The following FOCAD variants were observed in gnomAD, a reference collection of about 807,000 sequenced individuals.
FOCAD encodes the protein KIAA1797.
FOCAD carries 198 observed loss-of-function variants against 225.6 expected under a neutral mutation model. That is an observed-to-expected ratio of 0.88 (90% confidence interval 0.78 to 0.99). The LOEUF (loss-of-function observed/expected upper bound fraction) is 0.99, where lower values mean the gene tolerates loss of function less well. FOCAD is among the 50% of genes least tolerant of loss of function. FOCAD has a pLI of 0.00. For missense variants in FOCAD, 2,713 were observed against 2,123.6 expected (o/e 1.28, Z -5.46); for synonymous variants, 897 against 755.0 (o/e 1.19, Z -3.08).
At chr9:20,757,647 A>T (rs1206807348) in intron 5 of FOCAD, among the ~76,000 whole-genome samples, 1 of 152,154 alleles carries the variant, frequency 6.6e-6, no homozygotes, top group Non-Finnish European at 1.5e-5. Flanking sequence ...AGAGGGAGAG[A>T]CAGAGCTTAT....
intron 16 of FOCAD, among the ~76,000 whole-genome samples, chr9:20,865,450 C>T (rs1394142691): frequency 6.6e-6 from 1 of 152,042 alleles, no homozygotes; most frequent in African/African-American, 2.4e-5. Flanking sequence ...ACACATTTGT[C>T]ATCTTTGAGG....
At chr9:20,656,873 T>C (rs376970063), upstream of FOCAD, among the ~76,000 whole-genome samples, 1,621 of 151,928 alleles carry the variant, frequency 0.011, 17 homozygotes, top group Non-Finnish European at 0.014. Context: ...TTCCTAGTCT[T>C]GATGGTCTTT....
intron 15 of FOCAD, among the ~76,000 whole-genome samples, chr9:20,837,575 G>A (rs1826118719): frequency 6.6e-6 from 1 of 151,930 alleles, no homozygotes; most frequent in Non-Finnish European, 1.5e-5. Context: ...TGGTAAATGG[G>A]GACAGGGAGT....
At chr9:20,754,150 G>A (rs371145035) in intron 5 of FOCAD, among the ~76,000 whole-genome samples, 3 of 152,158 alleles carry the variant, frequency 2.0e-5, no homozygotes, top group African/African-American at 7.2e-5. Flanking sequence ...TGAAAAAATG[G>A]AAAGGCTAAC....
chr9:20,703,081 C>T (rs1342794027), intron 1 of FOCAD, among the ~76,000 whole-genome samples: 1 of 145,208 alleles, frequency 6.9e-6, no homozygotes, highest in Non-Finnish European at 1.5e-5. Flanking sequence ...AGTAGGGAAG[C>T]AGAAATAAGT....
At chr9:20,696,323 G>C (rs893400425) in intron 1 of FOCAD, among the ~76,000 whole-genome samples, 19 of 152,152 alleles carry the variant, frequency 1.2e-4, no homozygotes, top group African/African-American at 4.6e-4. Context: ...GATTTCAAGT[G>C]TTCTCACCAT....
At position 20,781,786 on chromosome 9, in the gene FOCAD, G is replaced by A. The variant is rs1343601095; in HGVS notation, c.1054G>A (p.Val352Met). ...AATCCCAAAGTCCTCTCTGCTGCTAGTGATGCCAATTCTGCAGATACTATC... is the reference window on the plus strand; with the variant it reads ...AATCCCAAAGTCCTCTCTGCTGCTAATGATGCCAATTCTGCAGATACTATC... ...QKIPKSSLLL[V>M]MPILQILSST... The change falls in exon 10 of 44, where the codon GTG (valine) becomes ATG (methionine). Residue 352 changes from valine (V) to methionine (M), a missense_variant. By Grantham distance (21) the Val-to-Met change is conservative (BLOSUM62 1). Transcript: ENST00000338382. 1 of 1,614,104 alleles carries A rather than the reference G, an allele frequency of 6.2e-7. No individual in the cohort carries two copies. Among genetic ancestry groups the A allele is most frequent in the Non-Finnish European group, 8.5e-7 (1 of 1,180,000 alleles).
chr9:20,719,521 C>A (rs1433016152), intron 3 of FOCAD, among the ~76,000 whole-genome samples: 1 of 151,688 alleles, frequency 6.6e-6, no homozygotes, highest in Non-Finnish European at 1.5e-5. Flanking sequence ...TTTTATAATA[C>A]AACTGTGTGT....
At chr9:20,909,576 A>G (rs1259276087) in intron 22 of FOCAD, among the ~76,000 whole-genome samples, 1 of 152,082 alleles carries the variant, frequency 6.6e-6, no homozygotes, top group East Asian at 1.9e-4. Context: ...TTTATTTATC[A>G]TTTAAAATCC....
At position 20,948,365 on chromosome 9, in the gene FOCAD, C is replaced by T. The variant is rs1564191952; in HGVS notation, c.3770C>T (p.Pro1257Leu). 1.2e-6 allele frequency: 2 copies of T among 1,612,490 alleles called. No individual in the cohort carries two copies. Among genetic ancestry groups the T allele is most frequent in the African/African-American group, 1.3e-5 (1 of 74,958 alleles). The change falls in exon 31 of 44, where the codon CCT (proline) becomes CTT (leucine). Residue 1257 changes from proline to leucine, a missense_variant. Physicochemically the swap from Pro to Leu is moderately conservative, Grantham distance 98. Coordinates refer to ENST00000338382, the MANE Select transcript of FOCAD (RefSeq NM_001375567.1). ...GAAGACTTGGGCAGCAAACTACTCC[C>T]TGCCTGGATCAGAATTGTTCTAACA... ...KAEDLGSKLL[P>L]AWIRIVLTEG...
chr9:20,777,030 A>G (rs1818825024), intron 8 of FOCAD, among the ~76,000 whole-genome samples: 2 of 152,124 alleles, frequency 1.3e-5, no homozygotes, highest in Admixed American at 1.3e-4. Context: ...TATTCCTAAA[A>G]TACATAGATT....
chr9:20,866,917 T>TTTTTTTTTTTTTAAA lies in FOCAD; in HGVS notation c.2107-12_2107-11insTTTTTTTTTTTTAAA. 3 of 764,970 alleles carry TTTTTTTTTTTTTAAA rather than the reference T, an allele frequency of 3.9e-6. No homozygotes were observed. The highest frequency in any genetic ancestry group is 1.8e-5 in the South Asian group (1 of 54,450). The allele number at this position is 764,970 out of a possible 1,614,324, so 47.4% of individuals were successfully genotyped here. On this transcript the variant is annotated splice_polypyrimidine_tract_variant and intron_variant, in intron 17 of 43. Coordinates refer to ENST00000338382, the MANE Select transcript of FOCAD (RefSeq NM_001375567.1). ...TTTTTTTTTTTTTTTTTTTTTTTTT[T>TTTTTTTTTTTTTAAA]ACCCTATCTAGGACCCAATTGTAGC...
chr9:20,891,729 A>G (rs1831632328), intron 21 of FOCAD, among the ~76,000 whole-genome samples: 1 of 152,204 alleles, frequency 6.6e-6, no homozygotes, highest in South Asian at 2.1e-4. Context: ...CCAAAGTGCA[A>G]GTTGAAGCAG....
At chr9:20,800,951 G>C (rs953289177) in intron 11 of FOCAD, among the ~76,000 whole-genome samples, 4 of 152,094 alleles carry the variant, frequency 2.6e-5, no homozygotes, top group Non-Finnish European at 4.4e-5. Context: ...CAGTTTTTCT[G>C]CTCTGTTTTT....
chr9:20,921,694 A>C (rs932729075), intron 24 of FOCAD, among the ~76,000 whole-genome samples: 6 of 152,308 alleles, frequency 3.9e-5, no homozygotes, highest in African/African-American at 1.4e-4. Flanking sequence ...TCTGCAACCA[A>C]ATATATTATT....
chr9:20,870,642 G>A (rs148689530), intron 18 of FOCAD, among the ~76,000 whole-genome samples: 2 of 152,110 alleles, frequency 1.3e-5, no homozygotes, highest in Non-Finnish European at 2.9e-5. Context: ...GCATCAGATC[G>A]CAGCTCCCAA....
chr9:20,714,775 G>A (rs1196098862), intron 1 of FOCAD, among the ~76,000 whole-genome samples: 1 of 151,300 alleles, frequency 6.6e-6, no homozygotes, highest in African/African-American at 2.4e-5. Flanking sequence ...AATATTAAAA[G>A]TTGGTGCTAA....
chr9:20,660,630 A>G lies in FOCAD; in HGVS notation c.-78+1804A>G, dbSNP rs181881540. Among the ~76,000 whole-genome samples the G allele has an allele frequency of 3.4e-3, 523 of 152,338 alleles. 4 individuals carry two copies. The highest frequency in any genetic ancestry group is 0.012 in the African/African-American group (503 of 41,584). On this transcript the variant is annotated intron_variant, in intron 2 of 45. Coordinates refer to the FOCAD transcript ENST00000380249. ...AGACAGCAACAGTTTGGTTAGAATGATGGAAGGAAGACCAAGATGAGAAGT... is the reference window on the plus strand; with the variant it reads ...AGACAGCAACAGTTTGGTTAGAATGGTGGAAGGAAGACCAAGATGAGAAGT...
chr9:20,976,375 A>G, intron 35 of FOCAD, 45 bp from the exon 36 acceptor site: 1 of 1,592,366 alleles, frequency 6.3e-7, no homozygotes, highest in Non-Finnish European at 8.6e-7. Flanking sequence ...CACTTCCATG[A>G]TAGTATGCAG....
Sources: allele counts gnomAD v4.1 joint callset (sites outside exome capture counted in the v4.1 genomes callset), GRCh38; gene constraint gnomAD v4.1.1; transcripts MANE v1.5; gene names NCBI Gene and HGNC (gene_info 2026-07-23, HGNC 2026-07-21).